Variants in ZBTB16 observed in about 807,000 individuals in gnomAD.
The protein encoded by ZBTB16 is zinc finger and BTB domain-containing protein 16.
Under a neutral mutation model 56.8 loss-of-function variants are expected in ZBTB16, and 8 were observed. The ratio of observed to expected loss-of-function variants is 0.14; its 90% CI spans 0.08 to 0.25. The LOEUF is 0.25. Ranked by LOEUF, ZBTB16 falls within the 10% of genes least tolerant of loss-of-function variation. ZBTB16 has a pLI of 1.00. For synonymous variants in ZBTB16, 363 were observed against 368.5 expected (o/e 0.98, Z 0.17); for missense variants, 625 against 903.0 (o/e 0.69, Z 3.95).
chr11:114,190,730 TACACAC>T (rs746167648), intron 4 of ZBTB16, among the ~76,000 whole-genome samples: 108 of 143,580 alleles, frequency 7.5e-4, no homozygotes, highest in Middle Eastern at 7.0e-3. Context: ...CTCTCTCTCA[TACACAC>T]ACACACACAC....
intron 2 of ZBTB16, among the ~76,000 whole-genome samples, chr11:114,112,506 G>T (rs1941043669): frequency 6.6e-6 from 1 of 152,158 alleles, no homozygotes; most frequent in South Asian, 2.1e-4. Flanking sequence ...GAGAATGAAT[G>T]ATGTTAAAAG....
At chr11:114,137,369 A>C (rs1191089003) in intron 2 of ZBTB16, among the ~76,000 whole-genome samples, 1 of 152,190 alleles carries the variant, frequency 6.6e-6, no homozygotes, top group Admixed American at 6.5e-5. Flanking sequence ...GCTCTCCAAA[A>C]TGGAAGTGTC....
chr11:114,234,122 G>A lies in ZBTB16; in HGVS notation c.1454-8045G>A, dbSNP rs184771827. On this transcript the variant is annotated intron_variant, in intron 4 of 6. Transcript: ENST00000335953. Reference sequence around the variant, plus strand: ...AACCGTAACATTCCCCTTTTCTCTTGTGGAAATGGAATGTCATACAGATGT... The same window carrying A: ...AACCGTAACATTCCCCTTTTCTCTTATGGAAATGGAATGTCATACAGATGT... Among the ~76,000 whole-genome samples, 476 of 152,210 alleles carry A rather than the reference G, an allele frequency of 3.1e-3. 8 individuals carry two copies. Among genetic ancestry groups the A allele is most frequent in the Non-Finnish European group, 2.8e-3 (189 of 68,030 alleles).
In ZBTB16 at chr11:114,123,164, C is replaced by T. The variant is rs149735502; in HGVS notation, c.1269-33173C>T. 2.2e-3 allele frequency among the ~76,000 whole-genome samples: 332 copies of T among 152,268 alleles called. 1 individual carries two copies. The highest frequency in any genetic ancestry group is 3.8e-3 in the Non-Finnish European group (260 of 68,024). ...GCATTTAACCTTAATTACTTCCTTA[C>T]GGGTTCTGTCTCCAAATAACAGTCA... On this transcript the variant is annotated intron_variant, in intron 2 of 6. Transcript: ENST00000335953.
intron 3 of ZBTB16, among the ~76,000 whole-genome samples, chr11:114,169,441 A>G (rs972676229): frequency 3.3e-5 from 5 of 152,090 alleles, no homozygotes; most frequent in African/African-American, 9.7e-5. Flanking sequence ...GGAGCGAAAC[A>G]TCAGCCAAAT....
intron 4 of ZBTB16, among the ~76,000 whole-genome samples, chr11:114,208,760 A>G (rs1239213444): frequency 6.6e-6 from 1 of 152,132 alleles, no homozygotes; most frequent in African/African-American, 2.4e-5. Flanking sequence ...CAAGTTAACC[A>G]CTATTGTTTG....
At chr11:114,086,383 GCTGT>G (rs1338088951) in intron 2 of ZBTB16, among the ~76,000 whole-genome samples, 5 of 151,934 alleles carry the variant, frequency 3.3e-5, no homozygotes, top group African/African-American at 1.2e-4. Flanking sequence ...TCTGGGAAGC[GCTGT>G]CTGTCTGTCT....
rs1942785498 is a variant in ZBTB16 at position 114,167,224 on chromosome 11, T to TG, written c.1366+10790_1366+10791insG. ...GCCATTATGGATTTGTGGTTTTTTT[T>TG]TTTTTTGGTTTTTTTTTTTTTTTTT... is the stretch of plus-strand genomic sequence containing the variant. On this transcript the variant is annotated intron_variant, in intron 3 of 6. Coordinates refer to ENST00000335953, the MANE Select transcript of ZBTB16 (RefSeq NM_006006.6). 4.1e-5 allele frequency among the ~76,000 whole-genome samples: 3 copies of TG among 73,630 alleles called. 1 individual carries two copies. The highest frequency in any genetic ancestry group is 7.0e-5 in the Non-Finnish European group (3 of 42,838). 48.3% of individuals were successfully genotyped at this position (73,630 alleles called of 152,430 possible).
rs572400202 is a variant in ZBTB16 at position 114,227,254 on chromosome 11, TC to T, written c.1454-14908del. On this transcript the variant is annotated intron_variant, in intron 4 of 6. Transcript: ENST00000335953. ...CACCCCCAGTATTGCACATCAGGTA[TC>T]CCCCACCTGTGTGCACCATGCACAC... Among the ~76,000 whole-genome samples the T allele has an allele frequency of 4.5e-3, 686 of 152,038 alleles. 6 individuals carry two copies. The highest frequency in any genetic ancestry group is 6.8e-3 in the Middle Eastern group (2 of 294).
intron 4 of ZBTB16, among the ~76,000 whole-genome samples, chr11:114,229,813 G>A (rs1289165751): frequency 6.6e-6 from 1 of 152,186 alleles, no homozygotes; most frequent in Non-Finnish European, 1.5e-5. Flanking sequence ...TAGCTTTTTA[G>A]AAGGATGTGA....
At chr11:114,085,997 A>T (rs1169257195) in intron 2 of ZBTB16, among the ~76,000 whole-genome samples, 1 of 152,090 alleles carries the variant, frequency 6.6e-6, no homozygotes, top group African/African-American at 2.4e-5. Flanking sequence ...TCAGCCTTCT[A>T]CGTATTTAGT....
At chr11:114,181,853 C>T (rs528502269) in intron 3 of ZBTB16, among the ~76,000 whole-genome samples, 10 of 152,262 alleles carry the variant, frequency 6.6e-5, no homozygotes, top group Non-Finnish European at 1.5e-4. Context: ...CCCCCAGCCC[C>T]GCATCTCCCA....
chr11:114,131,563 G>A (rs889470657), intron 2 of ZBTB16, among the ~76,000 whole-genome samples: 2 of 152,124 alleles, frequency 1.3e-5, no homozygotes, highest in Admixed American at 6.5e-5. Context: ...TCCAGTGAAT[G>A]CCCAAATTCA....
chr11:114,228,406 G>A (rs1944372694), intron 4 of ZBTB16, among the ~76,000 whole-genome samples: 1 of 152,182 alleles, frequency 6.6e-6, no homozygotes, highest in African/African-American at 2.4e-5. Flanking sequence ...TGACTTGCTG[G>A]TTGCTTATAT....
At chr11:114,087,631 C>G (rs1175605032) in intron 2 of ZBTB16, among the ~76,000 whole-genome samples, 1 of 152,194 alleles carries the variant, frequency 6.6e-6, no homozygotes, top group Non-Finnish European at 1.5e-5. Flanking sequence ...CTGCAGTGCA[C>G]CCCTGCAAGG....
intron 4 of ZBTB16, among the ~76,000 whole-genome samples, chr11:114,207,017 T>G (rs77562388): frequency 6.6e-6 from 1 of 152,174 alleles, no homozygotes; most frequent in Non-Finnish European, 1.5e-5. Flanking sequence ...TGCTCTGTTT[T>G]TGAACGACTG....
At position 114,247,456 on chromosome 11, in the gene ZBTB16, T is replaced by A. The variant is rs1331133686; in HGVS notation, c.1792+91T>A. The A allele has an allele frequency of 2.6e-6, 4 of 1,561,736 alleles. No individual in the cohort carries two copies. The African/African-American group carries it at 5.4e-5, about 21-fold the overall frequency. ...TCTCCTAGAGAAGCCTAAGTGAGGA[T>A]GATCCCAGGCTGAATCAAAGAGTAG... is the stretch of plus-strand genomic sequence containing the variant. On this transcript the variant is annotated intron_variant, in intron 6 of 6. Coordinates refer to ENST00000335953, the MANE Select transcript of ZBTB16 (RefSeq NM_006006.6).
intron 1 of ZBTB16, among the ~76,000 whole-genome samples, chr11:114,062,392 C>T (rs1270102779): frequency 1.3e-5 from 2 of 152,126 alleles, no homozygotes; most frequent in Non-Finnish European, 2.9e-5. Flanking sequence ...CGTGAGCCAC[C>T]GCGCCCTGCC....
intron 2 of ZBTB16, among the ~76,000 whole-genome samples, chr11:114,151,824 G>A (rs1423268513): frequency 6.6e-6 from 1 of 152,230 alleles, no homozygotes; most frequent in African/African-American, 2.4e-5. Flanking sequence ...CCTGCAGAGA[G>A]TAGACATGGT....
Sources: allele counts gnomAD v4.1 joint callset (sites outside exome capture counted in the v4.1 genomes callset), GRCh38; gene constraint gnomAD v4.1.1; transcripts MANE v1.5; gene names NCBI Gene and HGNC (gene_info 2026-07-23, HGNC 2026-07-21).